RBM19: variants seen among roughly 807,000 people sequenced by gnomAD.
RBM19 encodes RNA binding motif protein 19.
RBM19 carries 94 observed loss-of-function variants against 116.8 expected under a neutral mutation model. The ratio of observed to expected loss-of-function variants is 0.80; its 90% CI spans 0.68 to 0.95. The LOEUF is 0.95. Among genes scored for constraint, RBM19 ranks in the 40% least tolerant of loss-of-function variants. The pLI, the probability that RBM19 is intolerant of heterozygous loss-of-function variation, is 0.00. For missense variants in RBM19, 1,161 were observed against 1,220.7 expected (o/e 0.95, Z 0.73); for synonymous variants, 475 against 494.1 (o/e 0.96, Z 0.51).
At chr12:113,936,247 A>T (rs1199231990) in intron 16 of RBM19, among the ~76,000 whole-genome samples, 2 of 152,182 alleles carry the variant, frequency 1.3e-5, no homozygotes, top group Admixed American at 6.5e-5. Context: ...GTTATTACTG[A>T]CAAGGAAAAT....
At chr12:113,922,404 A>T (rs1868656656) in intron 18 of RBM19, among the ~76,000 whole-genome samples, 1 of 152,184 alleles carries the variant, frequency 6.6e-6, no homozygotes, top group African/African-American at 2.4e-5. Flanking sequence ...AGGCCCTTGA[A>T]AAAGACAGTG....
At chr12:113,844,904 C>G (rs1311732230) in intron 22 of RBM19, 116 bp from the exon 23 acceptor site, 2 of 1,385,704 alleles carry the variant, frequency 1.4e-6, no homozygotes, top group East Asian at 2.6e-5. Flanking sequence ...GTTCTGGCCC[C>G]GTGACATCTG....
intron 14 of RBM19, among the ~76,000 whole-genome samples, chr12:113,941,071 A>G (rs1383240716): frequency 6.6e-6 from 1 of 152,248 alleles, no homozygotes; most frequent in East Asian, 1.9e-4. Flanking sequence ...CTATCTGGGA[A>G]TAAGTCTTAG....
At chr12:113,875,371 G>T (rs1276133353) in intron 21 of RBM19, among the ~76,000 whole-genome samples, 1 of 152,232 alleles carries the variant, frequency 6.6e-6, no homozygotes, top group Non-Finnish European at 1.5e-5. Context: ...AACCAACAAA[G>T]AACTCGATTC....
intron 1 of RBM19, among the ~76,000 whole-genome samples, chr12:113,964,571 C>T (rs142727465): frequency 7.9e-4 from 121 of 152,210 alleles, no homozygotes; most frequent in African/African-American, 2.9e-3. Flanking sequence ...ACATGTCTAA[C>T]CTGATGGATG....
intron 19 of RBM19, among the ~76,000 whole-genome samples, chr12:113,919,996 T>A (rs7973686): frequency 0.27 from 41,703 of 151,982 alleles, 5,944 homozygotes; most frequent in Middle Eastern, 0.41. Context: ...TCTCTCCTCA[T>A]CCTGCACCCT....
intron 21 of RBM19, among the ~76,000 whole-genome samples, chr12:113,887,341 A>T (rs1368447313): frequency 6.6e-6 from 1 of 152,128 alleles, no homozygotes; most frequent in Non-Finnish European, 1.5e-5. Context: ...AGTGTTTTAA[A>T]AAATGCCAAC....
chr12:113,925,075 G>T (rs1868947057), intron 17 of RBM19, among the ~76,000 whole-genome samples: 1 of 152,156 alleles, frequency 6.6e-6, no homozygotes, highest in Non-Finnish European at 1.5e-5. Flanking sequence ...CCCCAGTCTG[G>T]ACCTCTCTCA....
chr12:113,909,425 C>G (rs908359928), intron 21 of RBM19, among the ~76,000 whole-genome samples: 2 of 152,104 alleles, frequency 1.3e-5, no homozygotes, highest in African/African-American at 4.8e-5. Context: ...CTGGTGATGG[C>G]CATGCGGGCG....
In RBM19 at chr12:113,949,025, T is replaced by G. The variant is rs1566037078; in HGVS notation, c.1084A>C (p.Ile362Leu). ...CNREYMGGRY[I>L]EVFREKNVPT... ...ACGTTCTTTTCCCTGAACACCTCGATGTAGCGCCCACCTGCAATGAAGAGG... is the reference window on the plus strand; with the variant it reads ...ACGTTCTTTTCCCTGAACACCTCGAGGTAGCGCCCACCTGCAATGAAGAGG... Residue 362 changes from isoleucine (I) to leucine (L), a missense_variant, in exon 10 of 24, where the codon ATC (isoleucine) becomes CTC (leucine). Coordinates refer to ENST00000261741, the MANE Select transcript of RBM19 (RefSeq NM_016196.4). 6.2e-7 allele frequency: 1 copy of G among 1,613,368 alleles called. No individual in the cohort carries two copies. The highest frequency in any genetic ancestry group is 8.5e-7 in the Non-Finnish European group (1 of 1,179,416).
intron 21 of RBM19, among the ~76,000 whole-genome samples, chr12:113,879,409 T>A (rs1465373822): frequency 1.4e-5 from 2 of 139,404 alleles, no homozygotes; most frequent in African/African-American, 5.1e-5. Context: ...CTCTTTTCTG[T>A]AAAAATGATC....
At chr12:113,899,332 T>C (rs1043812763) in intron 21 of RBM19, among the ~76,000 whole-genome samples, 1 of 152,158 alleles carries the variant, frequency 6.6e-6, no homozygotes, top group African/African-American at 2.4e-5. Context: ...GGAGCCACAA[T>C]AGAGATGACA....
intron 11 of RBM19, among the ~76,000 whole-genome samples, 195 bp from the exon 12 acceptor site, chr12:113,946,670 C>T (rs1465208480): frequency 1.3e-5 from 2 of 152,130 alleles, no homozygotes; most frequent in Non-Finnish European, 2.9e-5. Flanking sequence ...CGTGAGGGGG[C>T]CACCTGACAC....
intron 21 of RBM19, among the ~76,000 whole-genome samples, chr12:113,869,316 T>C (rs1238167524): frequency 2.0e-5 from 3 of 152,110 alleles, no homozygotes; most frequent in Non-Finnish European, 2.9e-5. Flanking sequence ...TTGGAAGAAA[T>C]TGTCCCCAAG....
intron 23 of RBM19, among the ~76,000 whole-genome samples, chr12:113,829,399 G>T (rs1039623594): frequency 1.3e-5 from 2 of 152,222 alleles, no homozygotes; most frequent in Admixed American, 1.3e-4. Context: ...GCCACTGTGG[G>T]ACTCCCAGGA....
intron 16 of RBM19, among the ~76,000 whole-genome samples, chr12:113,934,957 G>A (rs1195576270): frequency 6.6e-6 from 1 of 152,160 alleles, no homozygotes; most frequent in South Asian, 2.1e-4. Flanking sequence ...CCCTATGCCT[G>A]GGCCCCCCGG....
chr12:113,897,586 A>AGGCTGAGGTCGGG (rs372780678), intron 21 of RBM19, among the ~76,000 whole-genome samples: 1 of 152,174 alleles, frequency 6.6e-6, no homozygotes, highest in African/African-American at 2.4e-5. Flanking sequence ...CTGAGGTGGG[A>AGGCTGAGGTCGGG]GGATCACTTG....
intron 21 of RBM19, among the ~76,000 whole-genome samples, chr12:113,885,769 T>C (rs1880471704): frequency 6.6e-6 from 1 of 152,210 alleles, no homozygotes; most frequent in Admixed American, 6.5e-5. Flanking sequence ...TCTGGAACTC[T>C]TTATAATATT....
chr12:113,937,823 C>T (rs1481011857), intron 15 of RBM19, among the ~76,000 whole-genome samples: 3 of 151,476 alleles, frequency 2.0e-5, no homozygotes, highest in African/African-American at 7.3e-5. Context: ...ACTGATGACA[C>T]CTGCCTCATT....
Sources: allele counts gnomAD v4.1 joint callset (sites outside exome capture counted in the v4.1 genomes callset), GRCh38; gene constraint gnomAD v4.1.1; transcripts MANE v1.5; gene names NCBI Gene and HGNC (gene_info 2026-07-23, HGNC 2026-07-21).